SCN1A: variants seen among roughly 807,000 people sequenced by gnomAD.
SCN1A encodes sodium channel protein type 1 subunit alpha.
A neutral mutation model predicts 193.7 loss-of-function variants in SCN1A; 13 were observed. The ratio of observed to expected loss-of-function variants is 0.07; its 90% CI spans 0.04 to 0.11. SCN1A has a LOEUF of 0.11. Among genes scored for constraint, SCN1A ranks in the 10% least tolerant of loss-of-function variants. The pLI is 1.00. For missense variants in SCN1A, 1,432 were observed against 2,451.1 expected (o/e 0.58, Z 8.78); for synonymous variants, 781 against 843.6 (o/e 0.93, Z 1.29).
intron 12 of SCN1A, among the ~76,000 whole-genome samples, chr2:166,046,277 C>G (rs186549702): frequency 6.6e-6 from 1 of 152,234 alleles, no homozygotes; most frequent in African/African-American, 2.4e-5. Context: ...ATTCATATGT[C>G]TATTGGATGC....
chr2:166,136,423 C>CATAT (rs61451614), intron 1 of SCN1A, among the ~76,000 whole-genome samples: 2,126 of 151,262 alleles, frequency 0.014, 50 homozygotes, highest in African/African-American at 0.046. Context: ...CATATATATG[C>CATAT]ATATATATAT....
intron 2 of SCN1A, among the ~76,000 whole-genome samples, chr2:166,107,671 A>G (rs1448935370): frequency 1.8e-4 from 27 of 152,156 alleles, no homozygotes; most frequent in Admixed American, 1.8e-3. Flanking sequence ...AACAATTTTT[A>G]TCAATTCAGC....
intron 2 of SCN1A, chr2:166,092,758 T>G (rs1686952335): frequency 1.3e-5 from 2 of 152,212 alleles, no homozygotes; most frequent in African/African-American, 4.8e-5. Flanking sequence ...ATAGTCAGGT[T>G]CAAAATTTGG....
rs2105902861 is a variant in SCN1A at position 166,054,781 on chromosome 2, C to A, written c.474-15G>T. 2 of 1,608,376 alleles carry A rather than the reference C, an allele frequency of 1.2e-6. No homozygotes were observed. Among genetic ancestry groups the A allele is most frequent in the African/African-American group, 1.3e-5 (1 of 74,796 alleles). ...TGAAGGTGTATCTGAAAACAAGCATCCAAAAAATTTGATAAAGTAACAGTG... is the reference window on the plus strand; with the variant it reads ...TGAAGGTGTATCTGAAAACAAGCATACAAAAAATTTGATAAAGTAACAGTG... On this transcript the variant is annotated splice_polypyrimidine_tract_variant and intron_variant, in intron 6 of 28. Coordinates refer to ENST00000674923, the MANE Select transcript of SCN1A (RefSeq NM_001165963.4).
At chr2:166,121,109 GAAAAAAAAGAAAAAAA>G (rs1215870844) in intron 2 of SCN1A, among the ~76,000 whole-genome samples, 11 of 103,690 alleles carry the variant, frequency 1.1e-4, no homozygotes, top group Non-Finnish European at 1.6e-4. Context: ...TGAATGTCAG[GAAAAAAAAGAAAAAAA>G]AAAAAAAAGA....
chr2:166,056,393 A>T lies in SCN1A; in HGVS notation c.473+18T>A. The T allele has an allele frequency of 7.0e-7, 1 of 1,432,026 alleles. No homozygotes were observed. Among genetic ancestry groups the T allele is most frequent in the Non-Finnish European group, 9.9e-7 (1 of 1,014,794 alleles). The allele number at this position is 1,432,026 out of a possible 1,614,324, so 88.7% of individuals were successfully genotyped here. ...TCCCAAATGTATATATGTTATTAAA[A>T]ATATAAGTTGAACTTACTCTACATT... On this transcript the variant is annotated intron_variant, in intron 6 of 28. Transcript: ENST00000674923.
At chr2:166,007,970 T>C (rs920449245) in intron 23 of SCN1A, among the ~76,000 whole-genome samples, 2 of 151,292 alleles carry the variant, frequency 1.3e-5, no homozygotes, top group African/African-American at 2.4e-5. Flanking sequence ...TTATTTTGAC[T>C]CTACAATGCC....
At chr2:166,049,987 G>T (rs1482162264) in intron 9 of SCN1A, among the ~76,000 whole-genome samples, 1 of 151,936 alleles carries the variant, frequency 6.6e-6, no homozygotes, top group Non-Finnish European at 1.5e-5. Flanking sequence ...GTTTTCTGAG[G>T]AATTTATTCC....
intron 2 of SCN1A, among the ~76,000 whole-genome samples, chr2:166,090,450 A>C (rs889170625): frequency 6.6e-6 from 1 of 152,234 alleles, no homozygotes; most frequent in Non-Finnish European, 1.5e-5. Context: ...AACTTTTGGG[A>C]AACAAAATAA....
chr2:166,093,531 G>A lies in SCN1A; in HGVS notation c.-141-15730C>T, dbSNP rs1687052695. On this transcript the variant is annotated intron_variant, in intron 2 of 28. Coordinates refer to ENST00000674923, the MANE Select transcript of SCN1A (RefSeq NM_001165963.4). ...TTTTTTTATTTTTATTTTTAGCAGA[G>A]ATGGGGTTTCACCGTGTTAGCTAGG... Among the ~76,000 whole-genome samples the A allele has an allele frequency of 2.0e-5, 3 of 152,076 alleles. No individual in the cohort carries two copies. In the South Asian group the frequency reaches 6.2e-4, roughly 32 times the overall value.
intron 5 of SCN1A, among the ~76,000 whole-genome samples, chr2:166,057,554 A>G (rs1366781429): frequency 2.6e-5 from 4 of 152,066 alleles, no homozygotes; most frequent in Admixed American, 6.6e-5. Context: ...AGTTTTCATC[A>G]AATGACCACA....
intron 1 of SCN1A, among the ~76,000 whole-genome samples, chr2:166,145,943 G>T (rs145550121): frequency 1.2e-4 from 18 of 152,232 alleles, no homozygotes; most frequent in African/African-American, 4.3e-4. Context: ...GGAGTGTTCA[G>T]ATCTCTCAGG....
Position 166,043,772 on chromosome 2 carries a change from C to G in SCN1A, c.1940G>C (p.Cys647Ser), listed in dbSNP as rs1460104792. 1.2e-6 allele frequency: 2 copies of G among 1,614,088 alleles called. No homozygotes were observed. Among genetic ancestry groups the G allele is most frequent in the African/African-American group, 1.3e-5 (1 of 74,928 alleles). The change falls in exon 14 of 29, where the codon TGC becomes TCC. Residue 647 changes from cysteine to serine, a missense_variant. By Grantham distance (112) the Cys-to-Ser change is moderately radical. Coordinates refer to ENST00000674923, the MANE Select transcript of SCN1A (RefSeq NM_001165963.4). ...ANGKMHSTVD[C>S]NGVVSLVGGP... ...ACCAACCAAGGAAACCACACCATTG[C>G]AATCCACAGTGCTGTGCATCTTCCC...
At chr2:166,050,396 TTACTTCGAG>T (rs1698395402) in intron 9 of SCN1A, among the ~76,000 whole-genome samples, 1 of 151,326 alleles carries the variant, frequency 6.6e-6, no homozygotes, top group African/African-American at 2.4e-5. Flanking sequence ...AGATATTATT[TTACTTCGAG>T]TATTGGAAAA....
chr2:166,085,113 C>T (rs1685966512), intron 2 of SCN1A, among the ~76,000 whole-genome samples: 1 of 152,190 alleles, frequency 6.6e-6, no homozygotes, highest in Non-Finnish European at 1.5e-5. Flanking sequence ...CTTCAAGTCT[C>T]TTCTTTAGTC....
chr2:166,143,914 T>C (rs1008110718), intron 1 of SCN1A, among the ~76,000 whole-genome samples: 3 of 152,196 alleles, frequency 2.0e-5, no homozygotes, highest in Non-Finnish European at 4.4e-5. Flanking sequence ...GTGATCCAGG[T>C]TTGTGACATT....
chr2:166,009,685 T>C, intron 23 of SCN1A, 34 bp downstream of exon 23: 1 of 1,583,992 alleles, frequency 6.3e-7, no homozygotes, highest in African/African-American at 1.4e-5. Context: ...ATTTTGGCTA[T>C]ATACAATACT....
At chr2:166,102,223 G>A (rs28768214) in intron 2 of SCN1A, among the ~76,000 whole-genome samples, 2,213 of 152,284 alleles carry the variant, frequency 0.015, 45 homozygotes, top group African/African-American at 0.042. Flanking sequence ...TGGGCGGGGC[G>A]CGGTGACTCG....
chr2:166,140,643 G>A (rs1692041660), intron 1 of SCN1A, among the ~76,000 whole-genome samples: 1 of 152,230 alleles, frequency 6.6e-6, no homozygotes, highest in African/African-American at 2.4e-5. Context: ...TCAATCTCCA[G>A]AAGTCTAAAT....
Sources: gnomAD v4.1 joint callset for allele counts (sites outside exome capture counted in the v4.1 genomes callset) on GRCh38, gnomAD v4.1.1 for gene constraint, MANE v1.5 for transcripts, NCBI Gene and HGNC (gene_info 2026-07-23, HGNC 2026-07-21) for gene names.